CSMD1: variants seen among roughly 807,000 people sequenced by gnomAD.
CSMD1 encodes the protein CUB and sushi domain-containing protein 1.
Under a neutral mutation model 417.5 loss-of-function variants are expected in CSMD1, and 213 were observed. That is an observed-to-expected ratio of 0.51 (90% confidence interval 0.46 to 0.57). The LOEUF is 0.57. Among genes scored for constraint, CSMD1 ranks in the 20% least tolerant of loss-of-function variants. The pLI, the probability that CSMD1 is intolerant of heterozygous loss-of-function variation, is 0.00. For missense variants in CSMD1, 6,923 were observed against 4,529.7 expected, an observed-to-expected ratio of 1.53 and a Z score of -15.17; for synonymous variants, 2,862 against 1,736.8, an observed-to-expected ratio of 1.65 and a Z score of -16.11.
chr8:4,310,826 G>C (rs766866709), intron 3 of CSMD1, among the ~76,000 whole-genome samples: 2 of 152,130 alleles, frequency 1.3e-5, no homozygotes, highest in Non-Finnish European at 2.9e-5. Context: ...GCTTATTTCA[G>C]CAGCAAGACT....
chr8:4,143,676 T>C (rs1467749421), intron 3 of CSMD1, among the ~76,000 whole-genome samples: 3 of 150,866 alleles, frequency 2.0e-5, no homozygotes, highest in Non-Finnish European at 4.4e-5. Flanking sequence ...GTTCTTGGCA[T>C]TTAGAATAAT....
rs376727869 is a variant in CSMD1 at position 3,723,324 on chromosome 8, C to G, written c.932-14833G>C. 2.0e-5 allele frequency among the ~76,000 whole-genome samples: 3 copies of G among 152,110 alleles called. No homozygotes were observed. In the East Asian group the frequency reaches 5.8e-4, roughly 29 times the overall value. On this transcript the variant is annotated intron_variant, in intron 6 of 69. Coordinates refer to ENST00000635120, the MANE Select transcript of CSMD1 (RefSeq NM_033225.6). ...CAGGAAAAAGTCCCTTTTAAGGGCTCATTTGATTAGGTCAGGGCCGCTGAG... is the reference window on the plus strand; with the variant it reads ...CAGGAAAAAGTCCCTTTTAAGGGCTGATTTGATTAGGTCAGGGCCGCTGAG...
At chr8:3,634,831 G>A (rs543280169) in intron 7 of CSMD1, among the ~76,000 whole-genome samples, 22 of 152,180 alleles carry the variant, frequency 1.4e-4, no homozygotes, top group Middle Eastern at 3.4e-3. Context: ...GATTCTTGAC[G>A]TTTTGCAAAC....
intron 1 of CSMD1, among the ~76,000 whole-genome samples, chr8:4,699,750 C>T (rs1038407731): frequency 1.3e-5 from 2 of 152,162 alleles, no homozygotes; most frequent in Admixed American, 6.5e-5. Flanking sequence ...TCATGGAAAG[C>T]AGTGTTTCAT....
At chr8:4,041,264 G>A (rs747546936) in intron 3 of CSMD1, among the ~76,000 whole-genome samples, 31 of 149,332 alleles carry the variant, frequency 2.1e-4, no homozygotes, top group African/African-American at 5.9e-4. Context: ...TGATCCGCCC[G>A]CCTCGGCCTC....
intron 3 of CSMD1, among the ~76,000 whole-genome samples, chr8:4,108,278 T>C (rs1299677347): frequency 1.3e-5 from 2 of 152,220 alleles, no homozygotes; most frequent in African/African-American, 2.4e-5. Context: ...TGCTGTTGAA[T>C]GATCTCTGGG....
At position 4,680,384 on chromosome 8, in the gene CSMD1, T is replaced by C. The variant is rs570472825; in HGVS notation, c.86-42826A>G. Among the ~76,000 whole-genome samples, 111 of 152,338 alleles carry C rather than the reference T, an allele frequency of 7.3e-4. 2 individuals are homozygous for C. The highest frequency in any genetic ancestry group is 2.5e-3 in the African/African-American group (102 of 41,582). On this transcript the variant is annotated intron_variant, in intron 1 of 69. Coordinates refer to ENST00000635120, the MANE Select transcript of CSMD1 (RefSeq NM_033225.6). ...TTTCCCTACTAATGTTACTGTTCAA[T>C]ACAAGTGCACTTTCTGGTGAATTTC...
At chr8:4,211,457 A>C (rs900532281) in intron 3 of CSMD1, among the ~76,000 whole-genome samples, 1 of 152,254 alleles carries the variant, frequency 6.6e-6, no homozygotes, top group African/African-American at 2.4e-5. Flanking sequence ...CGCATGACAA[A>C]TGAGAAGATT....
At chr8:4,054,789 G>A (rs542442129) in intron 3 of CSMD1, among the ~76,000 whole-genome samples, 25 of 152,150 alleles carry the variant, frequency 1.6e-4, no homozygotes, top group East Asian at 1.2e-3. Flanking sequence ...TCAAGTGGAC[G>A]AACAACAATG....
At chr8:3,426,456 A>T (rs185133160) in intron 12 of CSMD1, among the ~76,000 whole-genome samples, 17 of 152,232 alleles carry the variant, frequency 1.1e-4, no homozygotes, top group African/African-American at 3.6e-4. Flanking sequence ...TTTCAAATCA[A>T]TTAATGGAAA....
intron 3 of CSMD1, among the ~76,000 whole-genome samples, chr8:4,152,925 AC>A (rs1796647104): frequency 6.6e-6 from 1 of 152,114 alleles, no homozygotes; most frequent in Non-Finnish European, 1.5e-5. Flanking sequence ...AAAGGTGTAT[AC>A]TCTATCCTCT....
Position 3,894,584 on chromosome 8 carries a change from G to C in CSMD1, c.818+103319C>G, listed in dbSNP as rs562808701. Among the ~76,000 whole-genome samples the C allele has an allele frequency of 6.1e-4, 93 of 152,164 alleles. 3 individuals carry two copies. In the South Asian group the frequency reaches 0.019, roughly 31 times the overall value. ...ATAGATTTCTACATCCTATTGATTTGTTGTCTGTATGGGGCTATTTACAGA... is the reference window on the plus strand; with the variant it reads ...ATAGATTTCTACATCCTATTGATTTCTTGTCTGTATGGGGCTATTTACAGA... On this transcript the variant is annotated intron_variant, in intron 5 of 69. Transcript: ENST00000635120.
At chr8:3,038,654 A>T (rs1810864328) in intron 50 of CSMD1, among the ~76,000 whole-genome samples, 1 of 152,182 alleles carries the variant, frequency 6.6e-6, no homozygotes, top group Non-Finnish European at 1.5e-5. Flanking sequence ...GGTATTAGAC[A>T]ATTCCTCAAA....
chr8:4,906,501 CTTTG>C (rs1805286425), intron 1 of CSMD1, among the ~76,000 whole-genome samples: 1 of 51,404 alleles, frequency 1.9e-5, no homozygotes, highest in Non-Finnish European at 4.5e-5. Context: ...ATTTCACACA[CTTTG>C]TTTTTCAGTT....
chr8:4,068,684 T>C (rs368847924), intron 3 of CSMD1, among the ~76,000 whole-genome samples: 4 of 152,170 alleles, frequency 2.6e-5, no homozygotes, highest in African/African-American at 9.7e-5. Flanking sequence ...AAAACTATTA[T>C]TCTCATTTCA....
chr8:4,960,851 T>A (rs980085141), intron 1 of CSMD1, among the ~76,000 whole-genome samples: 1 of 152,176 alleles, frequency 6.6e-6, no homozygotes, highest in Admixed American at 6.6e-5. Context: ...TCATAAGTTA[T>A]ATAATAATAA....
chr8:3,994,510 G>C (rs1404020180), intron 5 of CSMD1, among the ~76,000 whole-genome samples: 1 of 147,086 alleles, frequency 6.8e-6, no homozygotes, highest in Non-Finnish European at 1.5e-5. Flanking sequence ...CTTCCTAATT[G>C]CAAGAAAAAT....
chr8:3,166,285 C>G (rs1820208580), intron 37 of CSMD1, among the ~76,000 whole-genome samples: 1 of 152,162 alleles, frequency 6.6e-6, no homozygotes, highest in Non-Finnish European at 1.5e-5. Flanking sequence ...AATCCAGGCA[C>G]TTTGGGAGGC....
chr8:3,299,565 G>GACAAA, intron 25 of CSMD1, among the ~76,000 whole-genome samples: 1 of 55,210 alleles, frequency 1.8e-5, no homozygotes. Flanking sequence ...AGGTCTGGCA[G>GACAAA]ATAAAAGCAC....
Sources: allele counts gnomAD v4.1 joint callset (sites outside exome capture counted in the v4.1 genomes callset), GRCh38; gene constraint gnomAD v4.1.1; transcripts MANE v1.5; gene names NCBI Gene and HGNC (gene_info 2026-07-23, HGNC 2026-07-21).